The following FBXO32 variants were observed in gnomAD, a reference collection of about 807,000 sequenced individuals.
FBXO32 encodes the protein F-box only protein 32.
A neutral mutation model predicts 48.3 loss-of-function variants in FBXO32; 15 were observed. The ratio of observed to expected loss-of-function variants is 0.31; its 90% CI spans 0.21 to 0.48. The LOEUF is 0.48. Ranked by LOEUF, FBXO32 falls within the 20% of genes least tolerant of loss-of-function variation. The pLI, the probability that FBXO32 is intolerant of heterozygous loss-of-function variation, is 0.99. For missense variants in FBXO32, 309 were observed against 432.7 expected, an observed-to-expected ratio of 0.71 and a Z score of 2.54; for synonymous variants, 154 against 165.9, an observed-to-expected ratio of 0.93 and a Z score of 0.55.
At chr8:123,537,888 G>A (rs1481410919) in intron 1 of FBXO32, among the ~76,000 whole-genome samples, 1 of 152,160 alleles carries the variant, frequency 6.6e-6, no homozygotes, top group Non-Finnish European at 1.5e-5. Context: ...AAGAGTGGCA[G>A]AGGCTCAGAC....
At chr8:123,510,744 T>C (rs574877051) in intron 6 of FBXO32, among the ~76,000 whole-genome samples, 1 of 152,374 alleles carries the variant, frequency 6.6e-6, no homozygotes, top group South Asian at 2.1e-4. Context: ...CAACCATTCA[T>C]TCATTCAGCT....
chr8:123,534,920 C>T (rs1817281381), intron 1 of FBXO32, 106 bp from the exon 2 acceptor site: 1 of 602,402 alleles, frequency 1.7e-6, no homozygotes, highest in East Asian at 2.8e-5. Context: ...AACATACAGG[C>T]TTCTCAAACA....
chr8:123,503,433 G>A lies in FBXO32; in HGVS notation c.1008C>T (p.Asn336=). 1 of 1,614,136 alleles carries A rather than the reference G, an allele frequency of 6.2e-7. No homozygotes were observed. Among genetic ancestry groups the A allele is most frequent in the Middle Eastern group, 1.7e-4 (1 of 6,060 alleles). The change falls in exon 9 of 9, where the codon AAC becomes AAT. Residue 336 remains asparagine, a synonymous_variant. Transcript: ENST00000517956. ...KGTDHPCTAN[N]PESCSVSLSP... ...AAAGTGAAACGGAGCAGCTCTCTGG[G>A]TTATTGGCAGTGCACGGATGGTCAG...
At position 123,506,989 on chromosome 8, in the gene FBXO32, A is replaced by G. The variant is rs1321186123; in HGVS notation, c.652-415T>C. On this transcript the variant is annotated intron_variant, in intron 6 of 8. Transcript: ENST00000517956. The surrounding 1 kb of genome is among the most constrained non-coding windows in gnomAD (Gnocchi z 4.0). ...CCCCCTCCAGACATCAGGTCCCTCC[A>G]AGTAGGTTTACTCACTGGCACCTAA... Among the ~76,000 whole-genome samples, 1 of 152,112 alleles carries G rather than the reference A, an allele frequency of 6.6e-6. No individual in the cohort carries two copies. The highest frequency in any genetic ancestry group is 1.5e-5 in the Non-Finnish European group (1 of 68,014).
chr8:123,523,544 C>G lies in FBXO32; in HGVS notation c.372+8354G>C, dbSNP rs554936041. ...GGCAGAGGTTGCAGTGAGCCAAGAT[C>G]GCGGCACTGCACTCCAGCCTGGTGA... is the stretch of plus-strand genomic sequence containing the variant. On this transcript the variant is annotated intron_variant, in intron 4 of 8. Transcript: ENST00000517956. Among the ~76,000 whole-genome samples, 4 of 151,894 alleles carry G rather than the reference C, an allele frequency of 2.6e-5. No homozygotes were observed. The South Asian group carries it at 8.3e-4, about 32-fold the overall frequency.
At position 123,506,383 on chromosome 8, in the gene FBXO32, C is replaced by T; in HGVS notation, c.834+9G>A. 1 of 1,612,380 alleles carries T rather than the reference C, an allele frequency of 6.2e-7. No individual in the cohort carries two copies. The highest frequency in any genetic ancestry group is 8.5e-7 in the Non-Finnish European group (1 of 1,179,734). On this transcript the variant is annotated intron_variant, in intron 7 of 8. Transcript: ENST00000517956. The surrounding 1 kb of genome is among the most constrained non-coding windows in gnomAD (Gnocchi z 4.0). ...AGGGTGGGAGGAAAGCCCACTGGGC[C>T]TTGCTGACCTGCCGCTCGGAGAAGT... is the stretch of plus-strand genomic sequence containing the variant.
In FBXO32 at chr8:123,503,345, C is replaced by T; in HGVS notation, c.*28G>A. ...CAGCTCTCCAGTCAGCAGGGGGACC[C>T]TTCTGAAGTGTTGTCATGTGCTGGG... On this transcript the variant is annotated 3_prime_UTR_variant, in exon 9 of 9. Coordinates refer to ENST00000517956, the MANE Select transcript of FBXO32 (RefSeq NM_058229.4). The T allele has an allele frequency of 5.0e-6, 8 of 1,594,248 alleles. No individual in the cohort carries two copies. Among genetic ancestry groups the T allele is most frequent in the Non-Finnish European group, 6.9e-6 (8 of 1,161,994 alleles).
At chr8:123,523,406 A>G (rs974987759) in intron 4 of FBXO32, among the ~76,000 whole-genome samples, 24 of 152,200 alleles carry the variant, frequency 1.6e-4, no homozygotes, top group African/African-American at 5.3e-4. Context: ...CCTGGCCAAT[A>G]TGGTGAAACC....
chr8:123,522,986 T>C (rs921472984), intron 4 of FBXO32, among the ~76,000 whole-genome samples: 15 of 152,120 alleles, frequency 9.9e-5, no homozygotes, highest in Admixed American at 8.5e-4. Context: ...GGGCCCAAAA[T>C]AGAAATACCC....
At position 123,499,550 on chromosome 8, in the gene FBXO32, A is replaced by G. The variant is rs995526029; in HGVS notation, c.*3823T>C. The G allele has an allele frequency of 1.3e-5, 2 of 152,200 alleles. No individual in the cohort carries two copies. Among genetic ancestry groups the G allele is most frequent in the Non-Finnish European group, 2.9e-5 (2 of 68,036 alleles). 9.4% of individuals were successfully genotyped at this position (152,200 alleles called of 1,614,324 possible). On this transcript the variant is annotated 3_prime_UTR_variant, in exon 9 of 9. Coordinates refer to ENST00000517956, the MANE Select transcript of FBXO32 (RefSeq NM_058229.4). ...ATTCACACATAAAATTACAGTTAAA[A>G]AAATTCACACATAAAATAGAGTGTT... is the stretch of plus-strand genomic sequence containing the variant.
In FBXO32 at chr8:123,509,475, G is replaced by C. The variant is rs536843470; in HGVS notation, c.652-2901C>G. Among the ~76,000 whole-genome samples, 21 of 152,190 alleles carry C rather than the reference G, an allele frequency of 1.4e-4. No homozygotes were observed. The South Asian group carries it at 4.4e-3, about 32-fold the overall frequency. On this transcript the variant is annotated intron_variant, in intron 6 of 8. Coordinates refer to ENST00000517956, the MANE Select transcript of FBXO32 (RefSeq NM_058229.4). The stretch of plus-strand genomic sequence containing the variant: ...GGTACTTTGGGAGGCTGAAGCGGGA[G>C]GATTGCTTGAGCCCAAAAGTTCGAG...
chr8:123,505,548 C>A (rs925842624), intron 7 of FBXO32, among the ~76,000 whole-genome samples: 2 of 152,176 alleles, frequency 1.3e-5, no homozygotes, highest in African/African-American at 4.8e-5. Flanking sequence ...CCAGCCTGGC[C>A]AACGTGGTGA....
At chr8:123,532,125 T>G in intron 3 of FBXO32, 135 bp from the exon 4 acceptor site, 1 of 1,457,372 alleles carries the variant, frequency 6.9e-7, no homozygotes, top group Non-Finnish European at 9.0e-7. Flanking sequence ...CCTGGGGCAC[T>G]GGCTTCTTTC....
chr8:123,520,773 T>C (rs1020990384), intron 4 of FBXO32, among the ~76,000 whole-genome samples: 1 of 152,216 alleles, frequency 6.6e-6, no homozygotes, highest in African/African-American at 2.4e-5. Context: ...CTTAAAATCC[T>C]CAAATGGCTT....
intron 4 of FBXO32, among the ~76,000 whole-genome samples, chr8:123,516,332 A>G (rs1238072482): frequency 6.6e-6 from 1 of 152,214 alleles, no homozygotes; most frequent in Non-Finnish European, 1.5e-5. Context: ...GACTCAGTAG[A>G]CTAGACACAG....
rs757537611 is a variant in FBXO32, at chr8:123,504,665, C to G, written c.917G>C (p.Arg306Thr). The change falls in exon 8 of 9, where the codon AGG becomes ACG. Residue 306 changes from arginine (R) to threonine (T), a missense_variant. Transcript: ENST00000517956. ...MYFKLVRCYPRKEQYGDTLQL... is the reference protein window; with the variant it reads ...MYFKLVRCYPTKEQYGDTLQL... ...AAGGGTATCTCCATACTGCTCTTTC[C>G]TTGGGTAACATCGGACAAGTTTGAA... 7 of 1,614,012 alleles carry G rather than the reference C, an allele frequency of 4.3e-6. No homozygotes were observed. The highest frequency in any genetic ancestry group is 5.9e-6 in the Non-Finnish European group (7 of 1,180,032).
At chr8:123,533,169 A>G (rs1329835386) in intron 3 of FBXO32, 22 bp downstream of exon 3, 4 of 1,593,550 alleles carry the variant, frequency 2.5e-6, no homozygotes, top group Non-Finnish European at 3.4e-6. Context: ...AGTATAACTT[A>G]GTAAATGAAT....
chr8:123,521,898 G>GTC (rs1364494730), intron 4 of FBXO32, among the ~76,000 whole-genome samples: 3 of 152,212 alleles, frequency 2.0e-5, no homozygotes, highest in East Asian at 3.9e-4. Flanking sequence ...ACTAGGCAGT[G>GTC]TCTCTCTCTG....
chr8:123,534,847 G>T, intron 1 of FBXO32, 33 bp from the exon 2 acceptor site: 2 of 1,400,294 alleles, frequency 1.4e-6, no homozygotes, highest in Non-Finnish European at 2.0e-6. Context: ...AGGATGAGCT[G>T]TAACAGCTAT....
Sources: gnomAD v4.1 joint callset for allele counts (sites outside exome capture counted in the v4.1 genomes callset) on GRCh38, gnomAD v4.1.1 for gene constraint, Gnocchi (gnomAD v3.1) non-coding constraint, MANE v1.5 for transcripts, NCBI Gene and HGNC (gene_info 2026-07-23, HGNC 2026-07-21) for gene names.